SV2B: variants seen among roughly 807,000 people sequenced by gnomAD.
The protein encoded by SV2B is solute carrier family 22 member B2.
Under a neutral mutation model 73.9 loss-of-function variants are expected in SV2B, and 41 were observed. The observed-to-expected ratio is 0.56, with a 90% confidence interval of 0.43 to 0.72. The LOEUF (loss-of-function observed/expected upper bound fraction) is 0.72, where lower values mean the gene tolerates loss of function less well. Among genes scored for constraint, SV2B ranks in the 30% least tolerant of loss-of-function variants. The probability of loss-of-function intolerance (pLI) is 0.00; values close to 1 mark genes in which losing one functional copy is unlikely to be tolerated. For synonymous variants in SV2B, 314 were observed against 314.2 expected, an observed-to-expected ratio of 1.00 and a Z score of 0.01; for missense variants, 764 against 857.8, an observed-to-expected ratio of 0.89 and a Z score of 1.37.
At chr15:91,194,170 A>G (rs1388253474) in intron 1 of SV2B, among the ~76,000 whole-genome samples, 1 of 151,880 alleles carries the variant, frequency 6.6e-6, no homozygotes, top group Non-Finnish European at 1.5e-5. Context: ...ACAGTATTTC[A>G]GCTGAGCAGA....
intron 1 of SV2B, among the ~76,000 whole-genome samples, chr15:91,174,312 T>C (rs1327376502): frequency 6.6e-6 from 1 of 152,242 alleles, no homozygotes; most frequent in Non-Finnish European, 1.5e-5. Context: ...CTTAAGTTCT[T>C]TGTGCTTCAT....
chr15:91,284,037 G>A lies in SV2B; in HGVS notation c.1524G>A (p.Lys508=), dbSNP rs1419376862. The A allele has an allele frequency of 6.2e-7, 1 of 1,614,134 alleles. No individual in the cohort carries two copies. Among genetic ancestry groups the A allele is most frequent in the African/African-American group, 1.3e-5 (1 of 75,030 alleles). Residue 508 remains lysine (K), a synonymous_variant, in exon 11 of 13, where the codon AAG becomes AAA. Coordinates refer to ENST00000394232, the MANE Select transcript of SV2B (RefSeq NM_001323032.3). The surrounding 1 kb of genome is among the most constrained non-coding windows in gnomAD (Gnocchi z 4.5). The part of the protein sequence containing the change: ...IFYNTDLYEH[K]FINCRFINST... The stretch of plus-strand genomic sequence containing the variant: ...TCTCCCCAGACCTCTACGAGCACAA[G>A]TTCATCAACTGTCGGTTTATCAACT...
At chr15:91,287,466 C>A (rs1452751637) in intron 11 of SV2B, among the ~76,000 whole-genome samples, 1 of 152,170 alleles carries the variant, frequency 6.6e-6, no homozygotes, top group Non-Finnish European at 1.5e-5. Context: ...AGTCTGCAAC[C>A]TGTTTTGCCA....
chr15:91,274,493 A>G (rs2048419368), intron 9 of SV2B, among the ~76,000 whole-genome samples: 1 of 152,172 alleles, frequency 6.6e-6, no homozygotes, highest in African/African-American at 2.4e-5. Context: ...TTGTAATGGT[A>G]TTTGTATATT....
chr15:91,214,139 C>T lies in SV2B; in HGVS notation c.-391-11734C>T, dbSNP rs1022291471. ...TGACTACTGGGAAGTGGACCGGTTC[C>T]GGATCTCTAGAGGAGGGAGCTGGCA... On this transcript the variant is annotated intron_variant, in intron 1 of 12. Coordinates refer to ENST00000394232, the MANE Select transcript of SV2B (RefSeq NM_001323032.3). This position sits in a 1 kb window ranked among gnomAD's most constrained non-coding sequence, Gnocchi z 4.7. Among the ~76,000 whole-genome samples, 3 of 152,248 alleles carry T rather than the reference C, an allele frequency of 2.0e-5. No homozygotes were observed. The highest frequency in any genetic ancestry group is 4.1e-4 in the South Asian group (2 of 4,832).
intron 1 of SV2B, among the ~76,000 whole-genome samples, chr15:91,153,060 G>T (rs1374424247): frequency 1.3e-5 from 2 of 152,112 alleles, no homozygotes; most frequent in East Asian, 3.9e-4. Flanking sequence ...GGTGAACTCT[G>T]CCCTGACATG....
At chr15:91,215,727 A>C (rs2046002955) in intron 1 of SV2B, among the ~76,000 whole-genome samples, 1 of 152,166 alleles carries the variant, frequency 6.6e-6, no homozygotes, top group African/African-American at 2.4e-5. Context: ...ATATTCCCAT[A>C]AGATTTAGCT....
intron 1 of SV2B, among the ~76,000 whole-genome samples, chr15:91,170,389 G>C (rs1192877996): frequency 6.6e-6 from 1 of 152,182 alleles, no homozygotes; most frequent in African/African-American, 2.4e-5. Context: ...CCGGGTTCAA[G>C]TGATTCTCCT....
chr15:91,124,845 AATTTCACC>A lies in SV2B; in HGVS notation c.-392+24485_-392+24492del, dbSNP rs897749029. On this transcript the variant is annotated intron_variant, in intron 1 of 12. Coordinates refer to ENST00000394232, the MANE Select transcript of SV2B (RefSeq NM_001323032.3). The surrounding 1 kb of genome is among the most constrained non-coding windows in gnomAD (Gnocchi z 4.6). ...ATGTTTGTATTTTTAGGAGAGACGG[AATTTCACC>A]ATGTTGGCCAGGCTGGTCTCGAACT... 5.3e-5 allele frequency among the ~76,000 whole-genome samples: 8 copies of A among 152,036 alleles called. No homozygotes were observed. The highest frequency in any genetic ancestry group is 4.6e-4 in the Admixed American group (7 of 15,256).
chr15:91,130,047 G>A lies in SV2B; in HGVS notation c.-392+29684G>A, dbSNP rs1596452313. Among the ~76,000 whole-genome samples the A allele has an allele frequency of 2.6e-5, 4 of 152,316 alleles. No individual in the cohort carries two copies. Among genetic ancestry groups the A allele is most frequent in the Non-Finnish European group, 5.9e-5 (4 of 68,024 alleles). ...GGAAGAGAGGGACGACAGGCCTGGG[G>A]CCACGTGGGCAGCTGTGGCCAGCAT... is the stretch of plus-strand genomic sequence containing the variant. On this transcript the variant is annotated intron_variant, in intron 1 of 12. Transcript: ENST00000394232. This position sits in a 1 kb window ranked among gnomAD's most constrained non-coding sequence, Gnocchi z 5.6.
intron 1 of SV2B, among the ~76,000 whole-genome samples, chr15:91,188,525 C>T (rs1384337249): frequency 6.6e-6 from 1 of 151,982 alleles, no homozygotes; most frequent in Non-Finnish European, 1.5e-5. Flanking sequence ...TCGTGTTGGC[C>T]AGGATGGTCT....
chr15:91,125,558 G>T (rs987747429), intron 1 of SV2B, among the ~76,000 whole-genome samples: 2 of 151,826 alleles, frequency 1.3e-5, no homozygotes, highest in African/African-American at 2.4e-5. Flanking sequence ...GATCACTTGA[G>T]CCCAGGAGTT....
chr15:91,103,788 G>A (rs1322819801), intron 1 of SV2B, among the ~76,000 whole-genome samples: 1 of 152,138 alleles, frequency 6.6e-6, no homozygotes, highest in East Asian at 1.9e-4. Context: ...GGGTGTCCCC[G>A]AGTCCACCTC....
chr15:91,256,024 G>C (rs1157514766), intron 4 of SV2B, among the ~76,000 whole-genome samples: 2 of 152,192 alleles, frequency 1.3e-5, no homozygotes, highest in Admixed American at 6.5e-5. Context: ...CCAGGAATTT[G>C]AGTGATTGGC....
intron 1 of SV2B, among the ~76,000 whole-genome samples, chr15:91,218,563 A>T (rs1255196463): frequency 6.6e-6 from 1 of 151,834 alleles, no homozygotes; most frequent in Non-Finnish European, 1.5e-5. Flanking sequence ...GAGTGTGTTG[A>T]CTCTTCTCTT....
intron 1 of SV2B, among the ~76,000 whole-genome samples, chr15:91,167,949 A>G (rs542378231): frequency 6.6e-6 from 1 of 152,266 alleles, no homozygotes; most frequent in South Asian, 2.1e-4. Flanking sequence ...GATCCAATGT[A>G]AATTTAATTT....
At chr15:91,101,232 G>T (rs1028886679) in intron 1 of SV2B, among the ~76,000 whole-genome samples, 10 of 152,062 alleles carry the variant, frequency 6.6e-5, no homozygotes, top group Non-Finnish European at 1.3e-4. Context: ...TCAGAGAGTG[G>T]CAGGTGAGGG....
At chr15:91,263,567 C>CACACAG (rs1050468813) in intron 6 of SV2B, among the ~76,000 whole-genome samples, 90 of 151,628 alleles carry the variant, frequency 5.9e-4, no homozygotes, top group African/African-American at 2.0e-3. Flanking sequence ...CACAGAGACA[C>CACACAG]ACACAGACAC....
chr15:91,221,835 C>G (rs1025011339), intron 1 of SV2B, among the ~76,000 whole-genome samples: 4 of 152,208 alleles, frequency 2.6e-5, no homozygotes, highest in Non-Finnish European at 5.9e-5. Flanking sequence ...CCCTGCTGCA[C>G]TGCACTGCTG....
Sources: gnomAD v4.1 joint callset for allele counts (sites outside exome capture counted in the v4.1 genomes callset) on GRCh38, gnomAD v4.1.1 for gene constraint, Gnocchi (gnomAD v3.1) non-coding constraint, MANE v1.5 for transcripts, NCBI Gene and HGNC (gene_info 2026-07-23, HGNC 2026-07-21) for gene names.